TERF1: variants seen among roughly 807,000 people sequenced by gnomAD.
The protein encoded by TERF1 is telomeric repeat binding factor 1, also known as telomeric repeat-binding factor 1.
In TERF1, 20 loss-of-function variants were observed where a neutral mutation model predicts 55.1. The observed-to-expected ratio is 0.36, with a 90% CI of 0.26 to 0.53. The LOEUF (loss-of-function observed/expected upper bound fraction) is 0.53. Ranked by LOEUF, TERF1 falls within the 20% of genes least tolerant of loss-of-function variation. The pLI, the probability that TERF1 is intolerant of heterozygous loss-of-function variation, is 0.91. For missense variants in TERF1, 439 were observed against 535.7 expected, an observed-to-expected ratio of 0.82 and a Z score of 1.78; for synonymous variants, 168 against 181.2, an observed-to-expected ratio of 0.93 and a Z score of 0.59.
At chr8:73,010,581 C>T (rs1227477546) in intron 1 of TERF1, 2 of 152,170 alleles carry the variant, frequency 1.3e-5, no homozygotes, top group Admixed American at 1.3e-4. Context: ...AATGAGTACA[C>T]CTAGCACCCC....
chr8:73,026,817 G>T, intron 5 of TERF1, 123 bp from the exon 6 acceptor site: 1 of 715,440 alleles, frequency 1.4e-6, no homozygotes, highest in Non-Finnish European at 2.4e-6. Context: ...CCCTTCATTG[G>T]CCTGTGAACA....
At chr8:73,041,940 G>A (rs1278294933) in intron 9 of TERF1, among the ~76,000 whole-genome samples, 1 of 152,166 alleles carries the variant, frequency 6.6e-6, no homozygotes, top group African/African-American at 2.4e-5. Context: ...CCAGCTGTGA[G>A]CTTCTGCTCC....
intron 1 of TERF1, chr8:73,012,887 A>C (rs1460372710): frequency 2.2e-6 from 1 of 455,856 alleles, no homozygotes; most frequent in Admixed American, 2.4e-5. Context: ...GAGACTGGCT[A>C]TCTGAAGTCA....
chr8:73,010,704 G>A (rs1255622489), intron 1 of TERF1: 1 of 152,176 alleles, frequency 6.6e-6, no homozygotes, highest in Non-Finnish European at 1.5e-5. Flanking sequence ...TGAGCAGTTG[G>A]GGGTTGGCTT....
At chr8:73,017,744 C>T (rs1157732283) in intron 2 of TERF1, among the ~76,000 whole-genome samples, 1 of 149,988 alleles carries the variant, frequency 6.7e-6, no homozygotes, top group Non-Finnish European at 1.5e-5. Context: ...CACTCTGTCA[C>T]CAGGCTGGAG....
At position 73,022,304 on chromosome 8, in the gene TERF1, TAATTATTTA is replaced by T. The variant is rs762213009; in HGVS notation, c.624+8_624+16del. 1 of 1,534,158 alleles carries T rather than the reference TAATTATTTA, an allele frequency of 6.5e-7. No homozygotes were observed. The highest frequency in any genetic ancestry group is 1.2e-5 in the South Asian group (1 of 82,412). On this transcript the variant is annotated splice_donor_5th_base_variant and intron_variant, in intron 4 of 9. Transcript: ENST00000276603. ...TTTGGTGATCCAAATTCTCATATGG[TAATTATTTA>T]AATTAAAACCATAGAATTTTAGAAG... is the stretch of plus-strand genomic sequence containing the variant.
At chr8:73,015,339 T>C (rs1318537856) in intron 2 of TERF1, among the ~76,000 whole-genome samples, 1 of 150,348 alleles carries the variant, frequency 6.7e-6, no homozygotes, top group Non-Finnish European at 1.5e-5. Flanking sequence ...TTAATTTTGC[T>C]CTATAGTGGC....
chr8:73,039,256 A>T, intron 9 of TERF1, 37 bp downstream of exon 9: 1 of 1,358,828 alleles, frequency 7.4e-7, no homozygotes. Flanking sequence ...ACGCTTATGG[A>T]CATTAAAGTT....
At chr8:73,032,649 C>T (rs564628001) in intron 8 of TERF1, among the ~76,000 whole-genome samples, 3 of 152,144 alleles carry the variant, frequency 2.0e-5, no homozygotes, top group African/African-American at 7.2e-5. Context: ...AATCACCCAA[C>T]GCCCCATTTC....
At chr8:73,016,628 A>T (rs574737275) in intron 2 of TERF1, among the ~76,000 whole-genome samples, 1 of 152,054 alleles carries the variant, frequency 6.6e-6, no homozygotes, top group African/African-American at 2.4e-5. Context: ...ACGAGGTCTC[A>T]TGTTGTCCAG....
At chr8:73,039,885 G>A (rs576604031) in intron 9 of TERF1, among the ~76,000 whole-genome samples, 11 of 150,566 alleles carry the variant, frequency 7.3e-5, no homozygotes, top group South Asian at 2.1e-4. Flanking sequence ...TACTTGGCTC[G>A]AGTGATCCTC....
In TERF1 at chr8:73,028,832, A is replaced by G. The variant is rs55839217; in HGVS notation, c.888-1504A>G. Among the ~76,000 whole-genome samples, 1,123 of 152,256 alleles carry G rather than the reference A, an allele frequency of 7.4e-3. 21 individuals are homozygous for G. The highest frequency in any genetic ancestry group is 0.025 in the African/African-American group (1,034 of 41,560). Reference sequence around the variant, plus strand: ...AGCATACATCTCTATAAAAGGACTTATCTTCGTTGGTAACTTATTTGTTTA... The same window carrying G: ...AGCATACATCTCTATAAAAGGACTTGTCTTCGTTGGTAACTTATTTGTTTA... On this transcript the variant is annotated intron_variant, in intron 6 of 9. Coordinates refer to ENST00000276603, the MANE Select transcript of TERF1 (RefSeq NM_017489.3).
At chr8:73,028,404 A>C (rs914246270) in intron 6 of TERF1, among the ~76,000 whole-genome samples, 1 of 152,072 alleles carries the variant, frequency 6.6e-6, no homozygotes, top group South Asian at 2.1e-4. Flanking sequence ...ATTTTTATCT[A>C]TATAGCTTTG....
chr8:73,033,063 T>C (rs565498208), intron 8 of TERF1, among the ~76,000 whole-genome samples: 44 of 143,558 alleles, frequency 3.1e-4, no homozygotes, highest in African/African-American at 6.7e-4. Context: ...TAAATACTTA[T>C]TGATAAAAAT....
intron 3 of TERF1, among the ~76,000 whole-genome samples, 168 bp from the exon 4 acceptor site, chr8:73,022,045 CTTA>C (rs1808782653): frequency 6.6e-6 from 1 of 152,118 alleles, no homozygotes; most frequent in Non-Finnish European, 1.5e-5. Flanking sequence ...TCAAGCGACA[CTTA>C]TTTTGTCTTT....
At chr8:73,016,605 A>AT (rs1413328177) in intron 2 of TERF1, among the ~76,000 whole-genome samples, 1 of 151,640 alleles carries the variant, frequency 6.6e-6, no homozygotes, top group African/African-American at 2.4e-5. Flanking sequence ...TAATTTTTTA[A>AT]TTTTTTGTAG....
At chr8:73,016,804 C>T (rs1172595735) in intron 2 of TERF1, among the ~76,000 whole-genome samples, 2 of 152,080 alleles carry the variant, frequency 1.3e-5, no homozygotes, top group East Asian at 1.9e-4. Flanking sequence ...AGTTTCCAGT[C>T]GACGTGCCAG....
intron 9 of TERF1, among the ~76,000 whole-genome samples, chr8:73,044,472 G>A (rs1809956319): frequency 6.6e-6 from 1 of 152,054 alleles, no homozygotes; most frequent in Non-Finnish European, 1.5e-5. Flanking sequence ...TATTCTTCAG[G>A]CCACCTTGAA....
chr8:73,035,499 C>T lies in TERF1; in HGVS notation c.1039+3366C>T, dbSNP rs377324899. On this transcript the variant is annotated intron_variant, in intron 8 of 9. Transcript: ENST00000276603. ...CCATTTGGATGTGCACAGAGAAGAA[C>T]GTGAATTCTGGCATTGTTGAATGAA... 1.3e-4 allele frequency among the ~76,000 whole-genome samples: 19 copies of T among 151,580 alleles called. 1 individual carries two copies. The highest frequency in any genetic ancestry group is 3.4e-3 in the Middle Eastern group (1 of 292).
Sources: allele counts gnomAD v4.1 joint callset (sites outside exome capture counted in the v4.1 genomes callset), GRCh38; gene constraint gnomAD v4.1.1; transcripts MANE v1.5; gene names NCBI Gene and HGNC (gene_info 2026-07-23, HGNC 2026-07-21).